SLC22A2: variants seen among roughly 807,000 people sequenced by gnomAD.
The protein encoded by SLC22A2 is organic cation transporter 2.
In SLC22A2, 46 loss-of-function variants were observed where a neutral mutation model predicts 60.5. That is an observed-to-expected ratio of 0.76 (90% confidence interval 0.60 to 0.97). The LOEUF (loss-of-function observed/expected upper bound fraction) is 0.97, where lower values mean the gene tolerates loss of function less well. Among genes scored for constraint, SLC22A2 ranks in the 50% least tolerant of loss-of-function variants. The pLI is 0.00. For synonymous variants in SLC22A2, 303 were observed against 267.0 expected (o/e 1.13, Z -1.31); for missense variants, 701 against 706.6 (o/e 0.99, Z 0.09).
At chr6:160,233,671 T>C (rs1006921477) in intron 9 of SLC22A2, among the ~76,000 whole-genome samples, 2 of 151,896 alleles carry the variant, frequency 1.3e-5, no homozygotes, top group African/African-American at 2.4e-5. Context: ...TCTCAATTCA[T>C]ACAAAAATGC....
At chr6:160,219,380 A>ACAG (rs1257966746) in intron 10 of SLC22A2, among the ~76,000 whole-genome samples, 2 of 107,960 alleles carry the variant, frequency 1.9e-5, no homozygotes, top group African/African-American at 3.7e-5. Context: ...AGCAGCAACA[A>ACAG]CAGCAGCAGC....
Position 160,245,530 on chromosome 6 carries a change from C to G in SLC22A2, c.973G>C (p.Glu325Gln). ...PASLQRLRLEEETGKKLNPSF... is the reference protein window; with the variant it reads ...PASLQRLRLEQETGKKLNPSF... The stretch of plus-strand genomic sequence containing the variant: ...GGGTTCAATTTCTTGCCAGTTTCCT[C>G]TTCAAGTCTCAGGCGCTAAGAAAAG... Residue 325 changes from glutamate (E) to glutamine (Q), a missense_variant, in exon 6 of 11, where the codon GAG becomes CAG. Transcript: ENST00000366953. The G allele has an allele frequency of 6.2e-7, 1 of 1,609,654 alleles. No homozygotes were observed. Among genetic ancestry groups the G allele is most frequent in the Non-Finnish European group, 8.5e-7 (1 of 1,177,130 alleles).
Position 160,247,210 on chromosome 6 carries a change from C to T in SLC22A2, c.931G>A (p.Gly311Arg). 2 of 1,611,592 alleles carry T rather than the reference C, an allele frequency of 1.2e-6. No individual in the cohort carries two copies. The highest frequency in any genetic ancestry group is 8.5e-7 in the Non-Finnish European group (1 of 1,177,736). Residue 311 changes from glycine to arginine, a missense_variant, in exon 5 of 11, where the codon GGA (glycine) becomes AGA (arginine). Physicochemically the swap from Gly to Arg is moderately radical, Grantham distance 125. Coordinates refer to ENST00000366953, the MANE Select transcript of SLC22A2 (RefSeq NM_003058.4). ...RIIKHIAKKN[G>R]KSLPASLQRL... ...TGAAGGGAGGCGGGTAGAGATTTTC[C>T]ATTTTTCTTTGCGATGTGCTTAATG...
intron 4 of SLC22A2, among the ~76,000 whole-genome samples, chr6:160,248,871 G>T (rs750810287): frequency 2.6e-5 from 4 of 152,154 alleles, no homozygotes; most frequent in Non-Finnish European, 5.9e-5. Flanking sequence ...CTCTGAGTGG[G>T]GAGAGAATAG....
chr6:160,253,865 T>C (rs914441388), intron 2 of SLC22A2, among the ~76,000 whole-genome samples: 1 of 152,188 alleles, frequency 6.6e-6, no homozygotes, highest in Admixed American at 6.5e-5. Flanking sequence ...GTCATTTTTG[T>C]AGGCTGAAGT....
Position 160,258,540 on chromosome 6 carries a change from T to C in SLC22A2, c.218A>G (p.Tyr73Cys), listed in dbSNP as rs1783317446. Residue 73 changes from tyrosine (Y) to cysteine (C), a missense_variant, in exon 1 of 11, where the codon TAC (tyrosine) becomes TGC (cysteine). Coordinates refer to ENST00000366953, the MANE Select transcript of SLC22A2 (RefSeq NM_003058.4). ...CGWSPAEELN[Y>C]TVPGPGPAGE... Reference sequence around the variant, plus strand: ...CGCAGGTCCTGGGCCCGGCACCGTGTAGTTCAGTTCCTCTGCAGGACTCCA... The same window carrying C: ...CGCAGGTCCTGGGCCCGGCACCGTGCAGTTCAGTTCCTCTGCAGGACTCCA... 1 of 1,614,030 alleles carries C rather than the reference T, an allele frequency of 6.2e-7. No individual in the cohort carries two copies. The highest frequency in any genetic ancestry group is 8.5e-7 in the Non-Finnish European group (1 of 1,179,968).
intron 9 of SLC22A2, among the ~76,000 whole-genome samples, chr6:160,235,544 G>C (rs1238913151): frequency 1.1e-4 from 1 of 9,304 alleles, no homozygotes; most frequent in African/African-American, 2.6e-4. Flanking sequence ...TAAAGCTGAA[G>C]GTTTCAACAA....
intron 9 of SLC22A2, among the ~76,000 whole-genome samples, chr6:160,230,518 C>T (rs1782804673): frequency 6.6e-6 from 1 of 151,998 alleles, no homozygotes; most frequent in African/African-American, 2.4e-5. Context: ...CAGCTCCTGA[C>T]ATTAGAATAA....
intron 9 of SLC22A2, among the ~76,000 whole-genome samples, chr6:160,229,286 C>T (rs1339082377): frequency 1.3e-5 from 2 of 151,922 alleles, no homozygotes; most frequent in Middle Eastern, 3.2e-3. Flanking sequence ...ACACTTCAAT[C>T]TCTCCCTTCT....
intron 9 of SLC22A2, among the ~76,000 whole-genome samples, chr6:160,228,684 A>G (rs1782767236): frequency 6.6e-6 from 1 of 152,190 alleles, no homozygotes; most frequent in Admixed American, 6.5e-5. Flanking sequence ...AAGCCATCAT[A>G]TCCCCTGTGG....
chr6:160,247,175 C>T lies in SLC22A2; in HGVS notation c.957+9G>A, dbSNP rs773921254. The stretch of plus-strand genomic sequence containing the variant: ...ATCCCCTGATTTGATACTTAAGGCC[C>T]TGGCTCACCTGAAGGGAGGCGGGTA... On this transcript the variant is annotated intron_variant, in intron 5 of 10. Coordinates refer to ENST00000366953, the MANE Select transcript of SLC22A2 (RefSeq NM_003058.4). 2 of 1,489,794 alleles carry T rather than the reference C, an allele frequency of 1.3e-6. No homozygotes were observed. Among genetic ancestry groups the T allele is most frequent in the Admixed American group, 1.7e-5 (1 of 59,856 alleles). The allele number at this position is 1,489,794 out of a possible 1,614,324, so 92.3% of individuals were successfully genotyped here. A position where few individuals can be genotyped will look rare whatever the true frequency, so the allele number is the denominator to read the frequency against.
chr6:160,220,494 T>C (rs1782627746), intron 10 of SLC22A2, among the ~76,000 whole-genome samples: 1 of 152,238 alleles, frequency 6.6e-6, no homozygotes, highest in Non-Finnish European at 1.5e-5. Flanking sequence ...CCTCCTCTAA[T>C]GATCCACAAA....
rs74672547 is a variant in SLC22A2 at position 160,247,922 on chromosome 6, G to C, written c.843-624C>G. Among the ~76,000 whole-genome samples, 46 of 152,280 alleles carry C rather than the reference G, an allele frequency of 3.0e-4. 1 individual carries two copies. In the East Asian group the frequency reaches 8.7e-3, roughly 29 times the overall value. On this transcript the variant is annotated intron_variant, in intron 4 of 10. Transcript: ENST00000366953. ...ACTGGAGAAAGGAGATAATAGGGCTGCTGCTGTGGCAGTTATGGTGTAAAT... is the reference window on the plus strand; with the variant it reads ...ACTGGAGAAAGGAGATAATAGGGCTCCTGCTGTGGCAGTTATGGTGTAAAT...
At chr6:160,234,791 C>A (rs963023082) in intron 9 of SLC22A2, among the ~76,000 whole-genome samples, 1 of 152,230 alleles carries the variant, frequency 6.6e-6, no homozygotes, top group African/African-American at 2.4e-5. Context: ...ACAACGGAAA[C>A]CAGCCAATGC....
At chr6:160,254,591 T>A (rs1376906987) in intron 2 of SLC22A2, among the ~76,000 whole-genome samples, 2 of 152,240 alleles carry the variant, frequency 1.3e-5, no homozygotes, top group Non-Finnish European at 2.9e-5. Flanking sequence ...AGGCATTAAC[T>A]ATACAAAAAA....
At chr6:160,250,492 C>G in intron 3 of SLC22A2, 56 bp downstream of exon 3, 1 of 1,586,282 alleles carries the variant, frequency 6.3e-7, no homozygotes, top group Non-Finnish European at 8.7e-7. Context: ...CCACCTGACT[C>G]TATTTTGGCA....
chr6:160,247,038 C>A, intron 5 of SLC22A2, 146 bp downstream of exon 5: 1 of 573,646 alleles, frequency 1.7e-6, no homozygotes. Context: ...ATATAAAATT[C>A]TCTGTTGCAT....
Position 160,258,684 on chromosome 6 carries a change from AG to A in SLC22A2, c.73del (p.Leu25SerfsTer35). 6.2e-7 allele frequency: 1 copy of A among 1,609,444 alleles called. No homozygotes were observed. Among genetic ancestry groups the A allele is most frequent in the Non-Finnish European group, 8.5e-7 (1 of 1,177,514 alleles). On this transcript the variant is annotated frameshift_variant, in exon 1 of 11. Coordinates refer to ENST00000366953, the MANE Select transcript of SLC22A2 (RefSeq NM_003058.4). LOFTEE classifies it high-confidence loss of function. ...FHFFQKQMFF[L>X]LALLSATFAP... ...GAAGGTAGCCGAGAGCAGAGCCAAG[AG>A]GAAAAACATTTGCTTCTGGAAAAAG...
rs1306974092 is a variant in SLC22A2 at position 160,241,507 on chromosome 6, T to C, written c.1468A>G (p.Asn490Asp). Reference sequence around the variant, plus strand: ...ATCAGCGGGAGCTCAAGCCAGATGTTAGTGAGCCGGTAGACCAGGAATGGC... The same window carrying C: ...ATCAGCGGGAGCTCAAGCCAGATGTCAGTGAGCCGGTAGACCAGGAATGGC... Reference protein sequence around the residue: ...ITPFLVYRLTNIWLELPLMVF... With the variant: ...ITPFLVYRLTDIWLELPLMVF... The change falls in exon 9 of 11, where the codon AAC becomes GAC. Residue 490 changes from asparagine to aspartate, a missense_variant. Coordinates refer to ENST00000366953, the MANE Select transcript of SLC22A2 (RefSeq NM_003058.4). 2 of 1,613,592 alleles carry C rather than the reference T, an allele frequency of 1.2e-6. No homozygotes were observed. The highest frequency in any genetic ancestry group is 1.1e-5 in the South Asian group (1 of 91,066).
Sources: allele counts gnomAD v4.1 joint callset (sites outside exome capture counted in the v4.1 genomes callset), GRCh38; gene constraint gnomAD v4.1.1; transcripts MANE v1.5; gene names NCBI Gene and HGNC (gene_info 2026-07-23, HGNC 2026-07-21).